The following PLXND1 variants were observed in gnomAD, a reference collection of about 807,000 sequenced individuals.
PLXND1 encodes the protein plexin D1.
PLXND1 carries 54 observed loss-of-function variants against 197.7 expected under a neutral mutation model. The ratio of observed to expected loss-of-function variants is 0.27; its 90% confidence interval spans 0.22 to 0.34. The LOEUF (loss-of-function observed/expected upper bound fraction) is 0.34. PLXND1 is among the 10% of genes least tolerant of loss of function. The pLI, the probability that PLXND1 is intolerant of heterozygous loss-of-function variation, is 1.00. For synonymous variants in PLXND1, 1,180 were observed against 1,161.2 expected (o/e 1.02, Z -0.33); for missense variants, 2,127 against 2,699.2 (o/e 0.79, Z 4.70).
chr3:129,594,433 A>G (rs999337054), intron 1 of PLXND1, among the ~76,000 whole-genome samples: 1 of 152,154 alleles, frequency 6.6e-6, no homozygotes, highest in Admixed American at 6.5e-5. Context: ...GCAGTGAGCT[A>G]TAATTTCACC....
At position 129,572,625 on chromosome 3, in the gene PLXND1, G is replaced by T; in HGVS notation, c.3061C>A (p.Pro1021Thr). ...ELQVLVNDTD[P>T]CTELMRTDTS... The stretch of plus-strand genomic sequence containing the variant: ...GAGGCTTACATCAGCTCCGTGCAGG[G>T]GTCTGTGTCGTTCACCAGGACCTGG... Residue 1021 changes from proline to threonine, a missense_variant, in exon 15 of 36, where the codon CCC becomes ACC. Transcript: ENST00000324093. 6.3e-7 allele frequency: 1 copy of T among 1,579,844 alleles called. No individual in the cohort carries two copies. The highest frequency in any genetic ancestry group is 8.6e-7 in the Non-Finnish European group (1 of 1,162,990).
intron 9 of PLXND1, among the ~76,000 whole-genome samples, chr3:129,576,597 A>AC (rs957786770): frequency 3.3e-5 from 5 of 151,500 alleles, no homozygotes; most frequent in Non-Finnish European, 5.9e-5. Context: ...CTCTGACACC[A>AC]CCCCCAAGGG....
At chr3:129,587,176 G>A (rs969993561) in intron 2 of PLXND1, among the ~76,000 whole-genome samples, 4 of 152,192 alleles carry the variant, frequency 2.6e-5, no homozygotes, top group Admixed American at 6.5e-5. Context: ...AGGCTGATGG[G>A]GTCAGGCCCG....
At position 129,583,593 on chromosome 3, in the gene PLXND1, G is replaced by T; in HGVS notation, c.2215C>A (p.Arg739=). ...GTGGGGTTTGGTGAGGCCTCGCACC[G>T]AGACTGGTTGGAAACACAGGAGTGC... is the stretch of plus-strand genomic sequence containing the variant. The part of the protein sequence containing the change: ...QQHSCVSNQS[R]CEASPNPTSP... Residue 739 remains arginine (R), a synonymous_variant, in exon 8 of 36, where the codon CGG becomes AGG. Transcript: ENST00000324093. 1 of 1,613,830 alleles carries T rather than the reference G, an allele frequency of 6.2e-7. No individual in the cohort carries two copies. The highest frequency in any genetic ancestry group is 1.3e-5 in the African/African-American group (1 of 75,024).
rs1475415887 is a variant in PLXND1, at chr3:129,566,026, G to A, written c.4192-9C>T. On this transcript the variant is annotated splice_polypyrimidine_tract_variant and intron_variant, in intron 23 of 35. Transcript: ENST00000324093. ...CGGCAGCTCTCAGGAATCTGTGGAAGCAACTGGTGATGGGGTGTCCAGAGG... is the reference window on the plus strand; with the variant it reads ...CGGCAGCTCTCAGGAATCTGTGGAAACAACTGGTGATGGGGTGTCCAGAGG... 6.2e-7 allele frequency: 1 copy of A among 1,613,944 alleles called. No individual in the cohort carries two copies. The highest frequency in any genetic ancestry group is 1.7e-5 in the Admixed American group (1 of 60,000).
intron 15 of PLXND1, 64 bp downstream of exon 15, chr3:129,572,545 C>T (rs937442575): frequency 3.6e-5 from 50 of 1,379,624 alleles, no homozygotes; most frequent in Admixed American, 1.3e-4. Flanking sequence ...ACCTCCAGCC[C>T]GCCAGCCCCC....
At chr3:129,565,640 G>T in intron 24 of PLXND1, 102 bp from the exon 25 acceptor site, 2 of 1,091,806 alleles carry the variant, frequency 1.8e-6, no homozygotes, top group Non-Finnish European at 1.3e-6. Context: ...GATCCCAGGA[G>T]TGCCTGTGTG....
At chr3:129,581,484 CCT>C (rs1236947025) in intron 8 of PLXND1, among the ~76,000 whole-genome samples, 2 of 152,208 alleles carry the variant, frequency 1.3e-5, no homozygotes, top group African/African-American at 2.4e-5. Context: ...TCTCTGAAAT[CCT>C]CTCTCTGAAA....
At position 129,574,389 on chromosome 3, in the gene PLXND1, G is replaced by T; in HGVS notation, c.2632C>A (p.Arg878=). The change falls in exon 12 of 36, where the codon CGG becomes AGG. Residue 878 remains arginine, a synonymous_variant. Coordinates refer to ENST00000324093, the MANE Select transcript of PLXND1 (RefSeq NM_015103.3). Reference sequence around the variant, plus strand: ...CCAGCCATGGGCTGCAGAGGCCCCCGCAGGCGGCAGCCATCACTCCACATG... The same window carrying T: ...CCAGCCATGGGCTGCAGAGGCCCCCTCAGGCGGCAGCCATCACTCCACATG... ...LCMWSDGCRL[R]GPLQPMAGTC... 1 of 1,611,922 alleles carries T rather than the reference G, an allele frequency of 6.2e-7. No homozygotes were observed. The highest frequency in any genetic ancestry group is 8.5e-7 in the Non-Finnish European group (1 of 1,179,502).
At position 129,606,341 on chromosome 3, in the gene PLXND1, T is replaced by A; in HGVS notation, c.299A>T (p.Asp100Val). Residue 100 changes from aspartate (D) to valine (V), a missense_variant, in exon 1 of 36, where the codon GAC becomes GTC. By Grantham distance (152) the Asp-to-Val change is radical (BLOSUM62 -3). Around this residue, in one of 6 missense-constraint regions of PLXND1, gnomAD observed 245 missense variants for 267.1 expected, o/e 0.92. Coordinates refer to ENST00000324093, the MANE Select transcript of PLXND1 (RefSeq NM_015103.3). ...EAEAAVGPVP[D>V]SPLCHAPQLP... Reference sequence around the variant, plus strand: ...CTGCGGAGCGTGACACAGCGGGCTGTCGGGCACCGGGCCCACGGCCGCCTC... The same window carrying A: ...CTGCGGAGCGTGACACAGCGGGCTGACGGGCACCGGGCCCACGGCCGCCTC... The A allele has an allele frequency of 6.8e-7, 1 of 1,478,424 alleles. No homozygotes were observed. Among genetic ancestry groups the A allele is most frequent in the Middle Eastern group, 1.9e-4 (1 of 5,188 alleles). 91.6% of individuals were successfully genotyped at this position (1,478,424 alleles called of 1,614,324 possible).
In PLXND1 at chr3:129,555,667, C is replaced by G. The variant is rs1578296765; in HGVS notation, c.*645G>C. 1.8e-6 allele frequency: 1 copy of G among 542,522 alleles called. No individual in the cohort carries two copies. Among genetic ancestry groups the G allele is most frequent in the Non-Finnish European group, 3.2e-6 (1 of 311,242 alleles). 33.6% of individuals were successfully genotyped at this position (542,522 alleles called of 1,614,324 possible). A position where few individuals can be genotyped will look rare whatever the true frequency, so the allele number is the denominator to read the frequency against. ...GGAGACGGGGCTCCCAGCTCCTGTG[C>G]CCCCCATCCCTCCCCTCCACCCTCC... is the stretch of plus-strand genomic sequence containing the variant. On this transcript the variant is annotated 3_prime_UTR_variant, in exon 36 of 36. Transcript: ENST00000324093.
chr3:129,589,310 T>TGGG, intron 2 of PLXND1, 41 bp downstream of exon 2: 10 of 501,288 alleles, frequency 2.0e-5, no homozygotes, highest in East Asian at 5.1e-5. Context: ...CAGGGGAGCC[T>TGGG]CCCACCCCCA....
chr3:129,566,095 G>A, intron 23 of PLXND1, 78 bp from the exon 24 acceptor site: 4 of 1,515,546 alleles, frequency 2.6e-6, no homozygotes, highest in African/African-American at 1.4e-5. Flanking sequence ...GCTTACGACG[G>A]CTGCTTGTAT....
intron 23 of PLXND1, among the ~76,000 whole-genome samples, 193 bp downstream of exon 23, chr3:129,566,334 G>T (rs1378891367): frequency 6.6e-6 from 1 of 151,304 alleles, no homozygotes; most frequent in East Asian, 1.9e-4. Flanking sequence ...TGGCCTGCGG[G>T]GGCAGCACTT....
At position 129,555,565 on chromosome 3, in the gene PLXND1, T is replaced by TATC. The variant is rs906581039; in HGVS notation, c.*744_*746dup. On this transcript the variant is annotated 3_prime_UTR_variant, in exon 36 of 36. Coordinates refer to ENST00000324093, the MANE Select transcript of PLXND1 (RefSeq NM_015103.3). ...AAAGCTTTAAAAAAAAAAGTGGTGCTATCTTTAGAAACACTTTCAGCAAGA... is the reference window on the plus strand; with the variant it reads ...AAAGCTTTAAAAAAAAAAGTGGTGCTATCATCTTTAGAAACACTTTCAGCAAGA... 1.7e-5 allele frequency: 11 copies of TATC among 660,408 alleles called. No homozygotes were observed. The African/African-American group carries it at 2.0e-4, about 12-fold the overall frequency. The allele number at this position is 660,408 out of a possible 1,614,324, so 40.9% of individuals were successfully genotyped here.
At chr3:129,586,854 C>T (rs1480696595) in intron 2 of PLXND1, 135 bp from the exon 3 acceptor site, 9 of 1,026,614 alleles carry the variant, frequency 8.8e-6, no homozygotes, top group African/African-American at 3.2e-5. Flanking sequence ...TGGGAAGTCA[C>T]GGGCGTGCAG....
Position 129,555,388 on chromosome 3 carries a change from C to G in PLXND1, c.*924G>C. On this transcript the variant is annotated 3_prime_UTR_variant, in exon 36 of 36. Transcript: ENST00000324093. ...TGGCAGGAACGGAGTGGGTGGTAGT[C>G]TCAGGCGCCAGGGGCGCTCTGCCAG... The G allele has an allele frequency of 1.6e-6, 1 of 627,556 alleles. No homozygotes were observed. 38.9% of individuals were successfully genotyped at this position (627,556 alleles called of 1,614,324 possible).
chr3:129,594,881 A>AAC lies in PLXND1; in HGVS notation c.1312-5355_1312-5354insGT, dbSNP rs1553792769. On this transcript the variant is annotated intron_variant, in intron 1 of 35. Transcript: ENST00000324093. ...AAAGTTTATTTTGTAAAAAAAAAAA[A>AAC]CCCCGCAAAGCAGGTCACATCTCCT... 2.7e-3 allele frequency among the ~76,000 whole-genome samples: 409 copies of AAC among 151,244 alleles called. 4 individuals carry two copies. The highest frequency in any genetic ancestry group is 9.3e-3 in the African/African-American group (382 of 41,208).
chr3:129,565,797 G>A (rs2085131253), intron 24 of PLXND1, 90 bp downstream of exon 24: 6 of 1,389,720 alleles, frequency 4.3e-6, no homozygotes, highest in Non-Finnish European at 6.0e-6. Flanking sequence ...GGTGTCAAGA[G>A]CCCCAGAGCC....
Sources: allele counts gnomAD v4.1 joint callset (sites outside exome capture counted in the v4.1 genomes callset), GRCh38; gene constraint gnomAD v4.1.1; regional missense constraint gnomAD v4.1.1; transcripts MANE v1.5; gene names NCBI Gene and HGNC (gene_info 2026-07-23, HGNC 2026-07-21).